THSD4: variants seen among roughly 807,000 people sequenced by gnomAD.
THSD4 encodes the protein thrombospondin type-1 domain-containing protein 4.
Under a neutral mutation model 119.0 loss-of-function variants are expected in THSD4, and 69 were observed. The observed-to-expected ratio is 0.58, with a 90% CI of 0.48 to 0.71. The LOEUF is 0.71. Ranked by LOEUF, THSD4 falls within the 30% of genes least tolerant of loss-of-function variation. THSD4 has a pLI of 0.00. For missense variants in THSD4, 1,393 were observed against 1,391.1 expected, an observed-to-expected ratio of 1.00 and a Z score of -0.02; for synonymous variants, 524 against 540.4, an observed-to-expected ratio of 0.97 and a Z score of 0.42.
chr15:71,294,228 G>A (rs1278456135), intron 6 of THSD4, among the ~76,000 whole-genome samples: 2 of 152,110 alleles, frequency 1.3e-5, no homozygotes, highest in African/African-American at 4.8e-5. Flanking sequence ...TGTTTCTTCT[G>A]TCTTCTTGTC....
At chr15:71,766,198 T>C (rs2053714587) in intron 16 of THSD4, among the ~76,000 whole-genome samples, 1 of 152,146 alleles carries the variant, frequency 6.6e-6, no homozygotes. Context: ...AGATTCATTT[T>C]TTTCAAGTTG....
chr15:71,730,710 C>G (rs935350757), intron 9 of THSD4: 1 of 167,592 alleles, frequency 6.0e-6, no homozygotes, highest in African/African-American at 2.4e-5. Flanking sequence ...TCCAGGAGGT[C>G]TGCTGCTTGT....
upstream of THSD4, chr15:71,111,770 T>C: frequency 1.9e-6 from 1 of 514,050 alleles, no homozygotes; most frequent in Non-Finnish European, 3.4e-6. Flanking sequence ...TACGGGGGTT[T>C]CCTTTCCTGC....
At chr15:71,315,925 G>A (rs2045180888) in intron 6 of THSD4, among the ~76,000 whole-genome samples, 1 of 152,110 alleles carries the variant, frequency 6.6e-6, no homozygotes, top group African/African-American at 2.4e-5. Context: ...AATAACAAAT[G>A]ACTATATATA....
chr15:71,614,758 A>G (rs1484316028), intron 7 of THSD4, among the ~76,000 whole-genome samples: 1 of 152,192 alleles, frequency 6.6e-6, no homozygotes, highest in South Asian at 2.1e-4. Flanking sequence ...GATGAAGCAT[A>G]TGTAATGTTC....
chr15:71,339,010 C>T (rs1362231370), intron 6 of THSD4, among the ~76,000 whole-genome samples: 5 of 152,264 alleles, frequency 3.3e-5, no homozygotes, highest in African/African-American at 7.2e-5. Context: ...AGGCTCCTTG[C>T]AGGACATCAC....
intron 6 of THSD4, among the ~76,000 whole-genome samples, chr15:71,322,507 T>A (rs947568097): frequency 6.6e-6 from 1 of 152,328 alleles, no homozygotes; most frequent in African/African-American, 2.4e-5. Context: ...TATGACTGCA[T>A]AACAAATTAT....
At chr15:71,454,358 A>T (rs1329082059) in intron 7 of THSD4, among the ~76,000 whole-genome samples, 2 of 152,240 alleles carry the variant, frequency 1.3e-5, no homozygotes. Context: ...TACTTAAGTT[A>T]AACAAGGCAT....
intron 8 of THSD4, among the ~76,000 whole-genome samples, chr15:71,671,897 A>G (rs910392412): frequency 6.6e-5 from 10 of 152,168 alleles, no homozygotes; most frequent in African/African-American, 4.8e-5. Context: ...GCCTTGTAGT[A>G]TAGTTTGAAG....
At chr15:71,460,332 G>A (rs72760680) in intron 7 of THSD4, among the ~76,000 whole-genome samples, 7,351 of 106,178 alleles carry the variant, frequency 0.069, 261 homozygotes, top group East Asian at 0.23. Flanking sequence ...TTTTTTGAAA[G>A]CATGCCATTG....
At chr15:71,655,008 T>G (rs2051161534) in intron 7 of THSD4, among the ~76,000 whole-genome samples, 1 of 152,218 alleles carries the variant, frequency 6.6e-6, no homozygotes, top group South Asian at 2.1e-4. Context: ...CCTCAGGAAA[T>G]TTCATTCAGG....
chr15:71,452,785 T>C (rs1263116186), intron 7 of THSD4, among the ~76,000 whole-genome samples: 3 of 152,084 alleles, frequency 2.0e-5, no homozygotes, highest in African/African-American at 4.8e-5. Flanking sequence ...CAGCTGATTT[T>C]TGTATTTTTA....
chr15:71,616,455 T>C (rs780515519), intron 7 of THSD4, among the ~76,000 whole-genome samples: 1 of 152,084 alleles, frequency 6.6e-6, no homozygotes, highest in African/African-American at 2.4e-5. Context: ...ACCAGTAATA[T>C]AGGGTTCCAA....
intron 8 of THSD4, among the ~76,000 whole-genome samples, chr15:71,719,866 G>C (rs8039956): frequency 0.17 from 26,159 of 151,556 alleles, 3,275 homozygotes; most frequent in African/African-American, 0.35. Flanking sequence ...TGTAGGGATG[G>C]GGTTTCTCCA....
rs758633387 is a variant in THSD4 at position 71,437,181 on chromosome 15, CTT to C, written c.1152+25361_1152+25362del. On this transcript the variant is annotated intron_variant, in intron 7 of 17. Transcript: ENST00000261862. ...CAGCGAGAGAGAAAAGGGGGAGACTCTTTTAAGCAATCAGATCTCACATGAAC... is the reference window on the plus strand; with the variant it reads ...CAGCGAGAGAGAAAAGGGGGAGACTCTTAAGCAATCAGATCTCACATGAAC... 3.9e-5 allele frequency among the ~76,000 whole-genome samples: 6 copies of C among 152,286 alleles called. No homozygotes were observed. In the East Asian group the frequency reaches 9.7e-4, roughly 25 times the overall value.
intron 6 of THSD4, among the ~76,000 whole-genome samples, chr15:71,301,868 C>T (rs764686651): frequency 1.2e-4 from 19 of 152,146 alleles, no homozygotes; most frequent in African/African-American, 2.9e-4. Flanking sequence ...AAGCATCACT[C>T]AGTCTTTGCA....
intron 2 of THSD4, among the ~76,000 whole-genome samples, chr15:71,145,139 A>G (rs1197890254): frequency 6.6e-6 from 1 of 152,132 alleles, no homozygotes; most frequent in East Asian, 1.9e-4. Context: ...AGCCAACAAA[A>G]TCTCTGGAGC....
At chr15:71,150,155 G>A (rs956697247) in intron 2 of THSD4, among the ~76,000 whole-genome samples, 7 of 152,176 alleles carry the variant, frequency 4.6e-5, no homozygotes, top group Admixed American at 3.3e-4. Flanking sequence ...GTTGCAAGCT[G>A]GGAGCGGTTT....
At chr15:71,412,106 T>C (rs1047746670) in intron 7 of THSD4, among the ~76,000 whole-genome samples, 8 of 152,228 alleles carry the variant, frequency 5.3e-5, no homozygotes, top group African/African-American at 1.9e-4. Context: ...CTTTGCGAGT[T>C]GGATCTGGAG....
Sources: gnomAD v4.1 joint callset for allele counts (sites outside exome capture counted in the v4.1 genomes callset) on GRCh38, gnomAD v4.1.1 for gene constraint, MANE v1.5 for transcripts, NCBI Gene and HGNC (gene_info 2026-07-23, HGNC 2026-07-21) for gene names.